The following RNF220 variants were observed in gnomAD, a reference collection of about 807,000 sequenced individuals.
The protein encoded by RNF220 is ring finger protein 220.
Under a neutral mutation model 67.1 loss-of-function variants are expected in RNF220, and 7 were observed. The observed-to-expected ratio is 0.10, with a 90% confidence interval of 0.06 to 0.20. RNF220 has a LOEUF of 0.20. Ranked by LOEUF, RNF220 falls within the 10% of genes least tolerant of loss-of-function variation. The pLI, the probability that RNF220 is intolerant of heterozygous loss-of-function variation, is 1.00. For synonymous variants in RNF220, 270 were observed against 283.2 expected (o/e 0.95, Z 0.47); for missense variants, 565 against 740.3 (o/e 0.76, Z 2.75).
intron 6 of RNF220, among the ~76,000 whole-genome samples, chr1:44,634,167 G>T (rs779688325): frequency 1.3e-5 from 2 of 152,210 alleles, no homozygotes; most frequent in Non-Finnish European, 2.9e-5. Flanking sequence ...TGGAGCCCTA[G>T]CACACTCACT....
At position 44,650,526 on chromosome 1, in the gene RNF220, C is replaced by G. The variant is rs546228161; in HGVS notation, c.1630-178C>G. On this transcript the variant is annotated intron_variant, in intron 14 of 14. Coordinates refer to ENST00000361799, the MANE Select transcript of RNF220 (RefSeq NM_018150.4). This position sits in a 1 kb window ranked among gnomAD's most constrained non-coding sequence, Gnocchi z 4.3. The stretch of plus-strand genomic sequence containing the variant: ...CAGGCGGTTTGATCCTGGCGTCCCC[C>G]CAACACAGGAGCGTGCCTGCCTGCT... The G allele has an allele frequency of 8.8e-4, 566 of 641,170 alleles. 2 individuals carry two copies. In the African/African-American group the frequency reaches 9.3e-3, roughly 11 times the overall value. 39.7% of individuals were successfully genotyped at this position (641,170 alleles called of 1,614,324 possible).
At chr1:44,595,992 C>T (rs1404764992) in intron 2 of RNF220, among the ~76,000 whole-genome samples, 1 of 152,130 alleles carries the variant, frequency 6.6e-6, no homozygotes, top group Non-Finnish European at 1.5e-5. Context: ...TCTCGATCTC[C>T]TGACCTCATG....
At chr1:44,420,007 A>C (rs1394842616) in intron 2 of RNF220, 1 of 152,226 alleles carries the variant, frequency 6.6e-6, no homozygotes, top group African/African-American at 2.4e-5. Flanking sequence ...TGTGTATTTT[A>C]GAAAAAAGTT....
At chr1:44,536,145 G>A (rs1173327048) in intron 2 of RNF220, among the ~76,000 whole-genome samples, 1 of 152,124 alleles carries the variant, frequency 6.6e-6, no homozygotes, top group Non-Finnish European at 1.5e-5. Flanking sequence ...TGTGACTTGG[G>A]CCCTACAGGC....
intron 2 of RNF220, among the ~76,000 whole-genome samples, chr1:44,578,847 T>C (rs1379133830): frequency 6.6e-6 from 1 of 152,204 alleles, no homozygotes; most frequent in Non-Finnish European, 1.5e-5. Flanking sequence ...CAACATTCTT[T>C]ATTCTGTTTT....
At chr1:44,464,675 T>C (rs1654105973) in intron 2 of RNF220, among the ~76,000 whole-genome samples, 1 of 152,188 alleles carries the variant, frequency 6.6e-6, no homozygotes, top group Non-Finnish European at 1.5e-5. Context: ...TTTCCTCATC[T>C]CTCATTCAGT....
intron 2 of RNF220, among the ~76,000 whole-genome samples, chr1:44,595,268 C>T (rs1666395236): frequency 1.3e-5 from 2 of 152,316 alleles, no homozygotes; most frequent in Middle Eastern, 3.4e-3. Context: ...CGGCCGGCTC[C>T]GGGGCCCCTG....
At chr1:44,638,850 A>G (rs1644406851) in intron 8 of RNF220, among the ~76,000 whole-genome samples, 1 of 152,238 alleles carries the variant, frequency 6.6e-6, no homozygotes, top group Admixed American at 6.5e-5. Flanking sequence ...GATTTTTGAA[A>G]AGACTAAAGG....
Position 44,509,788 on chromosome 1 carries a change from A to C in RNF220, c.625+97066A>C, listed in dbSNP as rs1316438288. Among the ~76,000 whole-genome samples the C allele has an allele frequency of 3.4e-5, 5 of 145,844 alleles. No homozygotes were observed. The East Asian group carries it at 1.1e-3, about 31-fold the overall frequency. The stretch of plus-strand genomic sequence containing the variant: ...TGTCATCCCAGCTACTTTGGAGGCT[A>C]AGGCACGAGAATTGCTTGAACCCAG... On this transcript the variant is annotated intron_variant, in intron 2 of 14. Coordinates refer to ENST00000361799, the MANE Select transcript of RNF220 (RefSeq NM_018150.4).
chr1:44,616,946 C>T (rs1643578724), intron 3 of RNF220, among the ~76,000 whole-genome samples: 1 of 152,202 alleles, frequency 6.6e-6, no homozygotes, highest in African/African-American at 2.4e-5. Flanking sequence ...CACCCCCACC[C>T]ATGACTCTGC....
intron 2 of RNF220, among the ~76,000 whole-genome samples, chr1:44,436,343 AG>A (rs112566681): frequency 6.6e-6 from 1 of 151,920 alleles, no homozygotes; most frequent in East Asian, 1.9e-4. Context: ...AGCCAGTTTT[AG>A]GGGGGGTAAT....
Position 44,651,494 on chromosome 1 carries a change from T to C in RNF220, c.*719T>C, listed in dbSNP as rs1355810092. 6.5e-6 allele frequency: 1 copy of C among 152,990 alleles called. No homozygotes were observed. The highest frequency in any genetic ancestry group is 1.5e-5 in the Non-Finnish European group (1 of 68,320). 9.5% of individuals were successfully genotyped at this position (152,990 alleles called of 1,614,324 possible). A position where few individuals can be genotyped will look rare whatever the true frequency, so the allele number is the denominator to read the frequency against. On this transcript the variant is annotated 3_prime_UTR_variant, in exon 15 of 15. Transcript: ENST00000361799. ...TAGAGGCAGGAAATGGGAACCGAGCTGAAGCAGAGGCTGAGTTAGGGGGCT... is the reference window on the plus strand; with the variant it reads ...TAGAGGCAGGAAATGGGAACCGAGCCGAAGCAGAGGCTGAGTTAGGGGGCT...
chr1:44,633,023 G>A (rs2148476524), intron 6 of RNF220: 1 of 152,758 alleles, frequency 6.5e-6, no homozygotes, highest in Non-Finnish European at 1.5e-5. Flanking sequence ...ACAATTGAAT[G>A]ATCCTAGCTT....
At chr1:44,562,502 G>C (rs116242357) in intron 2 of RNF220, among the ~76,000 whole-genome samples, 4 of 152,280 alleles carry the variant, frequency 2.6e-5, no homozygotes, top group Non-Finnish European at 4.4e-5. Context: ...CCATAGGTAC[G>C]TCTCCCTGTC....
chr1:44,455,403 T>G (rs1039053482), intron 2 of RNF220, among the ~76,000 whole-genome samples: 1 of 152,094 alleles, frequency 6.6e-6, no homozygotes, highest in Non-Finnish European at 1.5e-5. Flanking sequence ...AATAAAATGA[T>G]GCATAGGAAG....
chr1:44,525,479 C>T (rs893777102), intron 2 of RNF220, among the ~76,000 whole-genome samples: 6 of 152,192 alleles, frequency 3.9e-5, no homozygotes, highest in Admixed American at 1.3e-4. Context: ...ACTGCTGCCC[C>T]GCTTTGGTCT....
intron 2 of RNF220, among the ~76,000 whole-genome samples, chr1:44,495,584 C>T (rs6700481): frequency 0.85 from 128,697 of 152,194 alleles, 55,864 homozygotes; most frequent in East Asian, 1. Flanking sequence ...TACAGGTGTG[C>T]GCCACCATGT....
chr1:44,445,605 A>G (rs1651995376), intron 2 of RNF220, among the ~76,000 whole-genome samples: 1 of 151,798 alleles, frequency 6.6e-6, no homozygotes, highest in African/African-American at 2.4e-5. Context: ...TGCCATGGTT[A>G]CCCTTTTTCT....
chr1:44,451,619 G>C (rs1016246709), intron 2 of RNF220, among the ~76,000 whole-genome samples: 1 of 151,638 alleles, frequency 6.6e-6, no homozygotes, highest in African/African-American at 2.4e-5. Context: ...TTTTATTTTT[G>C]ATTTTATTTT....
Sources: allele counts gnomAD v4.1 joint callset (sites outside exome capture counted in the v4.1 genomes callset), GRCh38; gene constraint gnomAD v4.1.1; non-coding constraint Gnocchi (gnomAD v3.1); transcripts MANE v1.5; gene names NCBI Gene and HGNC (gene_info 2026-07-23, HGNC 2026-07-21).